The following PRKX variants were observed in gnomAD, a reference collection of about 807,000 sequenced individuals.
PRKX encodes the protein protein kinase cAMP-dependent X-linked catalytic subunit, also known as cAMP-dependent protein kinase catalytic subunit PRKX.
A neutral mutation model predicts 22.0 loss-of-function variants in PRKX; 12 were observed. That is an observed-to-expected ratio of 0.54 (90% confidence interval 0.35 to 0.88). PRKX has a LOEUF of 0.88. Among genes scored for constraint, PRKX ranks in the 40% least tolerant of loss-of-function variants. The probability of loss-of-function intolerance (pLI) is 0.01; values close to 1 mark genes in which losing one functional copy is unlikely to be tolerated. For synonymous variants in PRKX, 134 were observed against 137.7 expected (o/e 0.97, Z 0.19); for missense variants, 217 against 308.0 (o/e 0.70, Z 2.21).
intron 2 of PRKX, among the ~76,000 whole-genome samples, chrX:3,659,269 A>AG (rs1927541200): frequency 9.0e-6 from 1 of 111,181 alleles, no homozygotes; most frequent in South Asian, 3.8e-4. Context: ...GGAAAAAAAA[A>AG]AAAAAATAGA....
chrX:3,654,899 G>A lies in PRKX; in HGVS notation c.599+250C>T, dbSNP rs377347709. On this transcript the variant is annotated intron_variant, in intron 3 of 8. Coordinates refer to ENST00000262848, the MANE Select transcript of PRKX (RefSeq NM_005044.5). ...TTCGGATCAATAGCGGATATGTGGT[G>A]TTCTGATTTCCTCCACGGTGCCAGT... Among the ~76,000 whole-genome samples, 6 of 111,293 alleles carry A rather than the reference G, an allele frequency of 5.4e-5. No individual in the cohort carries two copies. In the South Asian group the frequency reaches 2.3e-3, roughly 42 times the overall value.
At chrX:3,700,181 C>G (rs1928529271) in intron 1 of PRKX, among the ~76,000 whole-genome samples, 1 of 112,212 alleles carries the variant, frequency 8.9e-6, no homozygotes, top group Non-Finnish European at 1.9e-5. Flanking sequence ...TTCTAGGACC[C>G]TCTGGCTTGT....
At chrX:3,702,842 C>T (rs1928606111) in intron 1 of PRKX, among the ~76,000 whole-genome samples, 3 of 108,833 alleles carry the variant, frequency 2.8e-5, no homozygotes, top group South Asian at 8.3e-4. Flanking sequence ...CACAGGCATG[C>T]GTCCCCATGC....
At chrX:3,667,045 A>T (rs1392411396) in intron 2 of PRKX, among the ~76,000 whole-genome samples, 3 of 111,438 alleles carry the variant, frequency 2.7e-5, no homozygotes, top group South Asian at 7.6e-4. Context: ...GAACGGGGGG[A>T]AAGTCAACAT....
At chrX:3,692,448 A>G (rs1171502443) in intron 1 of PRKX, among the ~76,000 whole-genome samples, 1 of 110,820 alleles carries the variant, frequency 9.0e-6, no homozygotes, top group Admixed American at 9.7e-5. Context: ...CTCTATCTGC[A>G]CTGTCCAAAA....
intron 4 of PRKX, among the ~76,000 whole-genome samples, chrX:3,640,079 G>A (rs767530308): frequency 2.6e-4 from 29 of 110,726 alleles, no homozygotes; most frequent in African/African-American, 9.5e-4. Flanking sequence ...CCCCCTGCAG[G>A]GAATCAGAGA....
intron 1 of PRKX, 68 bp from the exon 2 acceptor site, chrX:3,674,834 G>GCAAT: frequency 8.8e-7 from 1 of 1,140,422 alleles, no homozygotes; most frequent in African/African-American, 1.8e-5. Context: ...CCACAGCCAT[G>GCAAT]CAATCAGCGG....
At chrX:3,658,535 G>A (rs1167649067) in intron 2 of PRKX, among the ~76,000 whole-genome samples, 1 of 110,906 alleles carries the variant, frequency 9.0e-6, no homozygotes, top group Admixed American at 9.7e-5. Flanking sequence ...CAATCCTCCC[G>A]CCTCATCCTC....
intron 1 of PRKX, among the ~76,000 whole-genome samples, chrX:3,712,425 G>A (rs755840150): frequency 1.9e-4 from 21 of 111,382 alleles, no homozygotes; most frequent in Admixed American, 1.7e-3. Flanking sequence ...CTGCCCATTC[G>A]GGGTTAAGTT....
rs1357220522 is a variant in PRKX, at chrX:3,606,185, T to C, written c.*2784A>G. On this transcript the variant is annotated 3_prime_UTR_variant, in exon 9 of 9. Transcript: ENST00000262848. ...AAGTAAATTTGTAATGTTTTTCTGA[T>C]ACAAATGTTGTGATTATGGTAATGA... 2.7e-5 allele frequency: 3 copies of C among 112,512 alleles called. No homozygotes were observed. The highest frequency in any genetic ancestry group is 9.2e-3 in the Middle Eastern group (2 of 218). 9.3% of individuals were successfully genotyped at this position (112,512 alleles called of 1,213,427 possible). A position where few individuals can be genotyped will look rare whatever the true frequency, so the allele number is the denominator to read the frequency against.
At chrX:3,619,106 G>A (rs1381629766) in intron 6 of PRKX, among the ~76,000 whole-genome samples, 1 of 112,641 alleles carries the variant, frequency 8.9e-6, no homozygotes, top group Non-Finnish European at 1.9e-5. Context: ...ACTTTATTTG[G>A]AAATAGGGTC....
At chrX:3,697,120 G>A (rs1408110481) in intron 1 of PRKX, among the ~76,000 whole-genome samples, 3 of 112,094 alleles carry the variant, frequency 2.7e-5, no homozygotes, top group Non-Finnish European at 1.9e-5. Flanking sequence ...TTGGGAGGCC[G>A]AGGCAGGAGG....
intron 4 of PRKX, among the ~76,000 whole-genome samples, chrX:3,635,262 C>G (rs1326007839): frequency 9.0e-6 from 1 of 111,541 alleles, no homozygotes; most frequent in African/African-American, 3.3e-5. Flanking sequence ...AGAACCACTG[C>G]GCAATGCCTA....
intron 4 of PRKX, among the ~76,000 whole-genome samples, chrX:3,630,432 C>T (rs7884528): frequency 2.0e-3 from 222 of 109,854 alleles, no homozygotes; most frequent in African/African-American, 7.1e-3. Context: ...TGGTGGCGGG[C>T]GCCTGTAATC....
chrX:3,609,775 C>T (rs111962132), intron 8 of PRKX, among the ~76,000 whole-genome samples: 13 of 111,920 alleles, frequency 1.2e-4, no homozygotes, highest in South Asian at 7.6e-4. Context: ...TTCTATCATA[C>T]GCTTATCCAT....
intron 6 of PRKX, among the ~76,000 whole-genome samples, 189 bp downstream of exon 6, chrX:3,621,070 T>G (rs1199918610): frequency 9.0e-6 from 1 of 111,060 alleles, no homozygotes; most frequent in Admixed American, 9.6e-5. Flanking sequence ...GAAACCGAGA[T>G]TTGATAGATC....
At chrX:3,704,619 G>A (rs1459851945) in intron 1 of PRKX, among the ~76,000 whole-genome samples, 2 of 110,394 alleles carry the variant, frequency 1.8e-5, no homozygotes, top group Non-Finnish European at 3.8e-5. Flanking sequence ...GTGACACCAC[G>A]TCACTGCACT....
intron 2 of PRKX, among the ~76,000 whole-genome samples, chrX:3,669,045 C>T (rs955772292): frequency 5.4e-5 from 6 of 111,579 alleles, no homozygotes; most frequent in Non-Finnish European, 7.5e-5. Context: ...GCGGTTCCAC[C>T]GCAGAGAATC....
intron 1 of PRKX, among the ~76,000 whole-genome samples, chrX:3,676,096 G>A (rs1234830982): frequency 3.6e-5 from 4 of 111,403 alleles, no homozygotes; most frequent in South Asian, 3.8e-4. Context: ...TGATCCCAGC[G>A]TCAGCAGCCC....
Sources: allele counts gnomAD v4.1 joint callset (sites outside exome capture counted in the v4.1 genomes callset), GRCh38; gene constraint gnomAD v4.1.1; transcripts MANE v1.5; gene names NCBI Gene and HGNC (gene_info 2026-07-23, HGNC 2026-07-21).